RUNX2: variants seen among roughly 807,000 people sequenced by gnomAD.
The protein encoded by RUNX2 is runt-related transcription factor 2.
A neutral mutation model predicts 51.7 loss-of-function variants in RUNX2; 10 were observed. The observed-to-expected ratio is 0.19, with a 90% confidence interval of 0.12 to 0.33. RUNX2 has a LOEUF of 0.33. RUNX2 is among the 10% of genes least tolerant of loss of function. The probability of loss-of-function intolerance (pLI) is 1.00; values close to 1 mark genes in which losing one functional copy is unlikely to be tolerated. For missense variants in RUNX2, 562 were observed against 691.3 expected (o/e 0.81, Z 2.10); for synonymous variants, 276 against 273.6 (o/e 1.01, Z -0.09).
At chr6:45,346,939 A>C (rs1791002972) in intron 2 of RUNX2, among the ~76,000 whole-genome samples, 2 of 152,204 alleles carry the variant, frequency 1.3e-5, no homozygotes, top group Non-Finnish European at 2.9e-5. Context: ...GTGCCTAAAC[A>C]AAAAGTAGGA....
intron 5 of RUNX2, among the ~76,000 whole-genome samples, chr6:45,447,966 C>T (rs1173485600): frequency 6.6e-6 from 1 of 152,222 alleles, no homozygotes; most frequent in Non-Finnish European, 1.5e-5. Context: ...TCCACACTTC[C>T]AGTCATTCCT....
intron 5 of RUNX2, among the ~76,000 whole-genome samples, chr6:45,445,432 C>T (rs891221350): frequency 6.6e-6 from 1 of 152,150 alleles, no homozygotes; most frequent in Non-Finnish European, 1.5e-5. Flanking sequence ...TTATTTGATT[C>T]TTCTGGACAC....
chr6:45,493,663 A>G (rs1165572380), intron 6 of RUNX2, among the ~76,000 whole-genome samples: 1 of 151,890 alleles, frequency 6.6e-6, no homozygotes, highest in East Asian at 1.9e-4. Context: ...AAAAAAAAGT[A>G]GTAGACTTTA....
intron 2 of RUNX2, among the ~76,000 whole-genome samples, chr6:45,407,696 C>T (rs965313766): frequency 3.3e-5 from 5 of 151,758 alleles, no homozygotes; most frequent in Admixed American, 2.6e-4. Context: ...ACAGAGGTCT[C>T]GCTATGTTGC....
chr6:45,487,445 C>T (rs1324285247), intron 5 of RUNX2, among the ~76,000 whole-genome samples: 1 of 152,154 alleles, frequency 6.6e-6, no homozygotes, highest in Admixed American at 6.6e-5. Context: ...TTCCCAGTGA[C>T]TTTCAACAAT....
chr6:45,511,569 A>G (rs920054672), intron 6 of RUNX2, among the ~76,000 whole-genome samples: 2 of 152,142 alleles, frequency 1.3e-5, no homozygotes, highest in Non-Finnish European at 1.5e-5. Context: ...TTTCTGTTTT[A>G]GCTTTAGCAT....
intron 7 of RUNX2, among the ~76,000 whole-genome samples, chr6:45,517,223 T>G (rs749044423): frequency 2.0e-5 from 3 of 152,058 alleles, no homozygotes; most frequent in Non-Finnish European, 4.4e-5. Context: ...GCTCTATTGC[T>G]CAGGATGGGA....
intron 5 of RUNX2, among the ~76,000 whole-genome samples, chr6:45,461,585 G>A (rs1435562431): frequency 2.0e-5 from 3 of 152,154 alleles, no homozygotes; most frequent in African/African-American, 7.2e-5. Flanking sequence ...CATGAAATGA[G>A]TCTGAAGTCA....
chr6:45,457,482 AC>A (rs1384971519), intron 5 of RUNX2, among the ~76,000 whole-genome samples: 2 of 152,004 alleles, frequency 1.3e-5, no homozygotes, highest in Non-Finnish European at 2.9e-5. Context: ...AATTCTAGAA[AC>A]ATGAAAGATG....
chr6:45,328,531 TTTTG>T (rs1342122695), intron 1 of RUNX2, 71 bp downstream of exon 1: 4 of 1,569,108 alleles, frequency 2.5e-6, no homozygotes, highest in South Asian at 1.1e-5. Flanking sequence ...TCTCTTTTTG[TTTTG>T]TTTCTTTGCT....
intron 5 of RUNX2, among the ~76,000 whole-genome samples, chr6:45,441,004 G>T (rs1336613298): frequency 6.6e-6 from 1 of 152,130 alleles, no homozygotes; most frequent in Non-Finnish European, 1.5e-5. Flanking sequence ...ATTCAAAGTG[G>T]CTTATTTTAT....
chr6:45,492,986 T>C (rs2150408203), intron 6 of RUNX2, among the ~76,000 whole-genome samples: 1 of 152,318 alleles, frequency 6.6e-6, no homozygotes, highest in Non-Finnish European at 1.5e-5. Flanking sequence ...AAATGTGTAA[T>C]AAGCCCTCAA....
intron 2 of RUNX2, among the ~76,000 whole-genome samples, chr6:45,333,390 T>C (rs763437713): frequency 2.0e-5 from 3 of 151,584 alleles, no homozygotes; most frequent in Non-Finnish European, 4.4e-5. Flanking sequence ...TGTATAGCAA[T>C]TCAGATTAAA....
At chr6:45,371,376 T>C (rs1258095848) in intron 2 of RUNX2, among the ~76,000 whole-genome samples, 4 of 151,354 alleles carry the variant, frequency 2.6e-5, no homozygotes, top group Middle Eastern at 3.2e-3. Context: ...TAAAGGGTAC[T>C]TCACCAGTAT....
At chr6:45,501,368 T>G (rs1033991566) in intron 6 of RUNX2, among the ~76,000 whole-genome samples, 10 of 152,252 alleles carry the variant, frequency 6.6e-5, no homozygotes, top group Non-Finnish European at 1.2e-4. Context: ...TTGCTCTTAT[T>G]TCATTTCATC....
chr6:45,493,747 T>C (rs936788168), intron 6 of RUNX2, among the ~76,000 whole-genome samples: 17 of 151,826 alleles, frequency 1.1e-4, no homozygotes, highest in Non-Finnish European at 2.2e-4. Flanking sequence ...TGTGTGTGTG[T>C]GTGTGTGTGT....
At chr6:45,397,633 G>T (rs1255562614) in intron 2 of RUNX2, among the ~76,000 whole-genome samples, 1 of 152,056 alleles carries the variant, frequency 6.6e-6, no homozygotes, top group Non-Finnish European at 1.5e-5. Flanking sequence ...CCAGATTCAT[G>T]ATACTTATTA....
At chr6:45,446,622 A>T (rs1056956690) in intron 5 of RUNX2, among the ~76,000 whole-genome samples, 2 of 152,032 alleles carry the variant, frequency 1.3e-5, no homozygotes, top group Admixed American at 6.6e-5. Context: ...TTCAAGGAAG[A>T]CTAGACCAGT....
intron 7 of RUNX2, among the ~76,000 whole-genome samples, chr6:45,534,051 C>G (rs901028811): frequency 3.3e-5 from 5 of 152,024 alleles, no homozygotes; most frequent in South Asian, 2.1e-4. Context: ...CCCGCCATCA[C>G]GCCTGGCTAA....
Sources: allele counts gnomAD v4.1 joint callset (sites outside exome capture counted in the v4.1 genomes callset), GRCh38; gene constraint gnomAD v4.1.1; transcripts MANE v1.5; gene names NCBI Gene and HGNC (gene_info 2026-07-23, HGNC 2026-07-21).